The following CACNA1I variants were observed in gnomAD, a reference collection of about 807,000 sequenced individuals.
The protein encoded by CACNA1I is calcium voltage-gated channel subunit alpha1 I, also known as voltage-dependent T-type calcium channel subunit alpha-1I.
A neutral mutation model predicts 201.6 loss-of-function variants in CACNA1I; 74 were observed. The ratio of observed to expected loss-of-function variants is 0.37; its 90% CI spans 0.30 to 0.45. The LOEUF (loss-of-function observed/expected upper bound fraction) is 0.45, where lower values mean the gene tolerates loss of function less well. Ranked by LOEUF, CACNA1I falls within the 20% of genes least tolerant of loss-of-function variation. The pLI, the probability that CACNA1I is intolerant of heterozygous loss-of-function variation, is 1.00. For synonymous variants in CACNA1I, 1,431 were observed against 1,345.2 expected, an observed-to-expected ratio of 1.06 and a Z score of -1.40; for missense variants, 2,346 against 3,138.1, an observed-to-expected ratio of 0.75 and a Z score of 6.03.
At chr22:39,652,591 T>C (rs964526342) in intron 10 of CACNA1I, among the ~76,000 whole-genome samples, 2 of 152,128 alleles carry the variant, frequency 1.3e-5, no homozygotes, top group African/African-American at 2.4e-5. Flanking sequence ...AGCAAATAGA[T>C]CACATAACGT....
chr22:39,613,644 T>G (rs1230343254), intron 3 of CACNA1I, among the ~76,000 whole-genome samples: 1 of 152,156 alleles, frequency 6.6e-6, no homozygotes, highest in Admixed American at 6.5e-5. Flanking sequence ...AGCACTGCCT[T>G]GGAGGATGCT....
At chr22:39,574,177 G>A (rs1015517552) in intron 1 of CACNA1I, among the ~76,000 whole-genome samples, 5 of 152,206 alleles carry the variant, frequency 3.3e-5, no homozygotes, top group Admixed American at 2.0e-4. Flanking sequence ...TTAAGGCTCA[G>A]CGACACTGAA....
At position 39,662,259 on chromosome 22, in the gene CACNA1I, G is replaced by A; in HGVS notation, c.3196G>A (p.Asp1066Asn). 1 of 1,523,212 alleles carries A rather than the reference G, an allele frequency of 6.6e-7. No individual in the cohort carries two copies. Among genetic ancestry groups the A allele is most frequent in the Non-Finnish European group, 8.8e-7 (1 of 1,140,344 alleles). The allele number at this position is 1,523,212 out of a possible 1,614,324, so 94.4% of individuals were successfully genotyped here. A position where few individuals can be genotyped will look rare whatever the true frequency, so the allele number is the denominator to read the frequency against. ...GTCCCTCGACAACAGGGACTCGGTG[G>A]ACCTGGCCGAGCTGGTGCCCGCGGT... ...TLSLDNRDSV[D>N]LAELVPAVGA... is the part of the protein sequence containing the mutation. The change falls in exon 17 of 37, where the codon GAC becomes AAC. Residue 1066 changes from aspartate (D) to asparagine (N), a missense_variant. Physicochemically the swap from Asp to Asn is conservative, Grantham distance 23. Transcript: ENST00000402142.
chr22:39,608,133 A>T (rs1427780926), intron 3 of CACNA1I, among the ~76,000 whole-genome samples: 1 of 151,798 alleles, frequency 6.6e-6, no homozygotes, highest in Non-Finnish European at 1.5e-5. Flanking sequence ...AAAAAAAAAA[A>T]AAAAATACAA....
Position 39,651,384 on chromosome 22 carries a change from G to A in CACNA1I, c.1992+1459G>A, listed in dbSNP as rs571061795. On this transcript the variant is annotated intron_variant, in intron 10 of 36. Transcript: ENST00000402142. The stretch of plus-strand genomic sequence containing the variant: ...TTCAATTTACTTAAATGGGGCTCCC[G>A]GGGCTGCCATGACACTCTGTTCAGA... Among the ~76,000 whole-genome samples, 56 of 152,306 alleles carry A rather than the reference G, an allele frequency of 3.7e-4. 1 individual carries two copies. Among genetic ancestry groups the A allele is most frequent in the South Asian group, 2.3e-3 (11 of 4,828 alleles).
At chr22:39,635,122 C>G (rs1463423753) in intron 5 of CACNA1I, among the ~76,000 whole-genome samples, 1 of 152,126 alleles carries the variant, frequency 6.6e-6, no homozygotes, top group African/African-American at 2.4e-5. Flanking sequence ...AAATTGGACA[C>G]CTATAGAACC....
At position 39,679,199 on chromosome 22, in the gene CACNA1I, C is replaced by T. The variant is rs764182340; in HGVS notation, c.5148C>T (p.Thr1716=). 26 of 1,591,466 alleles carry T rather than the reference C, an allele frequency of 1.6e-5. No individual in the cohort carries two copies. The highest frequency in any genetic ancestry group is 1.4e-4 in the Admixed American group (8 of 56,940). Residue 1716 remains threonine (T), a synonymous_variant, in exon 32 of 37, where the codon ACC becomes ACT. Coordinates refer to ENST00000402142, the MANE Select transcript of CACNA1I (RefSeq NM_021096.4). ...SPLYFVSFVL[T]AQFVLINVVV... ...TGTACTTCGTGAGCTTCGTGCTCAC[C>T]GCGCAGTTCGTGCTCATCAACGTGG...
In CACNA1I at chr22:39,676,690, A is replaced by G. The variant is rs1466412296; in HGVS notation, c.4855-651A>G. Reference sequence around the variant, plus strand: ...CCTGCCTTCCCTCCTCTCTATGGCCAGGCCTCATGCTGGCCCAAGGAGGCA... The same window carrying G: ...CCTGCCTTCCCTCCTCTCTATGGCCGGGCCTCATGCTGGCCCAAGGAGGCA... On this transcript the variant is annotated intron_variant, in intron 29 of 36. Transcript: ENST00000402142. This position sits in a 1 kb window ranked among gnomAD's most constrained non-coding sequence, Gnocchi z 4.8. 5.9e-5 allele frequency among the ~76,000 whole-genome samples: 9 copies of G among 152,126 alleles called. No individual in the cohort carries two copies. Among genetic ancestry groups the G allele is most frequent in the Non-Finnish European group, 1.0e-4 (7 of 68,026 alleles).
At chr22:39,643,249 T>A (rs1220184069) in intron 7 of CACNA1I, among the ~76,000 whole-genome samples, 1 of 152,224 alleles carries the variant, frequency 6.6e-6, no homozygotes, top group African/African-American at 2.4e-5. Context: ...GGGCTCCAGC[T>A]CATTCCTGTT....
rs778097764 is a variant in CACNA1I, at chr22:39,640,855, G to T, written c.741-12G>T. ...CCCTTTCCCTCTTTTACCCACCCTC[G>T]CCTGTGGACAGACAAGGGGATGTGG... is the stretch of plus-strand genomic sequence containing the variant. On this transcript the variant is annotated splice_polypyrimidine_tract_variant and intron_variant, in intron 5 of 36. Coordinates refer to ENST00000402142, the MANE Select transcript of CACNA1I (RefSeq NM_021096.4). The T allele has an allele frequency of 3.4e-5, 55 of 1,602,486 alleles. No individual in the cohort carries two copies. The highest frequency in any genetic ancestry group is 8.5e-5 in the Admixed American group (5 of 58,800).
At chr22:39,683,076 T>C (rs1935751610) in intron 35 of CACNA1I, among the ~76,000 whole-genome samples, 1 of 152,278 alleles carries the variant, frequency 6.6e-6, no homozygotes, top group Middle Eastern at 3.4e-3. Context: ...ATGTTAAACA[T>C]AGGAAAGCCT....
intron 10 of CACNA1I, among the ~76,000 whole-genome samples, chr22:39,655,871 G>T (rs1006548636): frequency 6.6e-6 from 1 of 152,234 alleles, no homozygotes; most frequent in Non-Finnish European, 1.5e-5. Context: ...GAGGCGCGGG[G>T]TGACCTTTTG....
intron 3 of CACNA1I, among the ~76,000 whole-genome samples, chr22:39,613,132 AT>A (rs1391856053): frequency 6.6e-6 from 1 of 152,238 alleles, no homozygotes; most frequent in Non-Finnish European, 1.5e-5. Context: ...TCCTGGAAAG[AT>A]GTTAAATCTC....
At chr22:39,632,651 C>T (rs1212375502) in intron 4 of CACNA1I, among the ~76,000 whole-genome samples, 1 of 152,204 alleles carries the variant, frequency 6.6e-6, no homozygotes, top group Admixed American at 6.5e-5. Flanking sequence ...GTGCCCAACG[C>T]CATGCCTGGC....
chr22:39,605,415 CTCTT>C (rs1170132627), intron 3 of CACNA1I, among the ~76,000 whole-genome samples: 3 of 152,186 alleles, frequency 2.0e-5, no homozygotes, highest in African/African-American at 7.2e-5. Flanking sequence ...CACTAGAAAG[CTCTT>C]TCTTTCACGG....
Position 39,685,869 on chromosome 22 carries a change from C to T in CACNA1I, c.6136C>T (p.Leu2046=). The T allele has an allele frequency of 6.8e-7, 1 of 1,467,528 alleles. No homozygotes were observed. The highest frequency in any genetic ancestry group is 8.9e-7 in the Non-Finnish European group (1 of 1,117,992). The allele number at this position is 1,467,528 out of a possible 1,614,324, so 90.9% of individuals were successfully genotyped here. The change falls in exon 37 of 37, where the codon CTG becomes TTG. Residue 2046 remains leucine, a synonymous_variant. Coordinates refer to ENST00000402142, the MANE Select transcript of CACNA1I (RefSeq NM_021096.4). The surrounding 1 kb of genome is among the most constrained non-coding windows in gnomAD (Gnocchi z 5.0). ...LTLSDSPRRA[L]GPPAPAPGPR... ...CCTGAGCGACAGCCCCCGGCGTGCC[C>T]TGGGGCCGCCCGCGCCTGCTCCAGG... is the stretch of plus-strand genomic sequence containing the variant.
Position 39,634,690 on chromosome 22 carries a change from C to T in CACNA1I, c.706C>T (p.Arg236Cys), listed in dbSNP as rs778714767. 9 of 1,613,656 alleles carry T rather than the reference C, an allele frequency of 5.6e-6. No individual in the cohort carries two copies. Among genetic ancestry groups the T allele is most frequent in the African/African-American group, 2.7e-5 (2 of 74,876 alleles). Reference sequence around the variant, plus strand: ...TGTGCAGCTCTGGGCGGGCCTGCTGCGTAACCGCTGCTTCCTGGAGGAGAA... The same window carrying T: ...TGTGCAGCTCTGGGCGGGCCTGCTGTGTAACCGCTGCTTCCTGGAGGAGAA... ...IGVQLWAGLL[R>C]NRCFLEENFT... The change falls in exon 5 of 37, where the codon CGT (arginine) becomes TGT (cysteine). Residue 236 changes from arginine to cysteine, a missense_variant. Arg to Cys is a radical substitution (Grantham distance 180, BLOSUM62 -3). This residue lies in a region of CACNA1I where 227 missense variants were observed against 412.5 expected (regional missense o/e 0.55). Transcript: ENST00000402142.
chr22:39,674,000 C>T lies in CACNA1I; in HGVS notation c.4821C>T (p.Ala1607=). The part of the protein sequence containing the change: ...KLLKMATGMR[A]LLDTVVQALP... ...TGAAGATGGCCACAGGAATGCGGGC[C>T]CTGCTGGACACGGTGGTGCAAGCTT... The change falls in exon 29 of 37, where the codon GCC becomes GCT. Residue 1607 remains alanine (A), a synonymous_variant. Coordinates refer to ENST00000402142, the MANE Select transcript of CACNA1I (RefSeq NM_021096.4). The T allele has an allele frequency of 6.2e-7, 1 of 1,613,374 alleles. No individual in the cohort carries two copies. The highest frequency in any genetic ancestry group is 8.5e-7 in the Non-Finnish European group (1 of 1,179,836).
Position 39,660,421 on chromosome 22 carries a change from C to T in CACNA1I, c.2682C>T (p.Gly894=). ...NIEEFDKLQE[G]LDSSGDPKLC... ...AAGAGTTTGATAAGCTCCAGGAAGGCCTGGACAGCAGCGGAGGTAAACAGG... is the reference window on the plus strand; with the variant it reads ...AAGAGTTTGATAAGCTCCAGGAAGGTCTGGACAGCAGCGGAGGTAAACAGG... Residue 894 remains glycine (G), a synonymous_variant, in exon 15 of 37, where the codon GGC becomes GGT. Transcript: ENST00000402142. 2 of 1,611,894 alleles carry T rather than the reference C, an allele frequency of 1.2e-6. No individual in the cohort carries two copies. The highest frequency in any genetic ancestry group is 8.5e-7 in the Non-Finnish European group (1 of 1,179,264).
Sources: allele counts gnomAD v4.1 joint callset (sites outside exome capture counted in the v4.1 genomes callset), GRCh38; gene constraint gnomAD v4.1.1; regional missense constraint gnomAD v4.1.1; non-coding constraint Gnocchi (gnomAD v3.1); transcripts MANE v1.5; gene names NCBI Gene and HGNC (gene_info 2026-07-23, HGNC 2026-07-21).